The following CACNA1G variants were observed in gnomAD, a reference collection of about 807,000 sequenced individuals.
CACNA1G encodes the protein calcium voltage-gated channel subunit alpha1 G.
In CACNA1G, 67 loss-of-function variants were observed where a neutral mutation model predicts 219.4. That is an observed-to-expected ratio of 0.31 (90% CI 0.25 to 0.37). CACNA1G has a LOEUF of 0.37. CACNA1G is among the 10% of genes least tolerant of loss of function. The pLI is 1.00. For synonymous variants in CACNA1G, 1,296 were observed against 1,345.3 expected (o/e 0.96, Z 0.80); for missense variants, 2,380 against 3,231.4 (o/e 0.74, Z 6.39).
chr17:50,618,647 C>T lies in CACNA1G; in HGVS notation c.5428-8C>T. 6.2e-7 allele frequency: 1 copy of T among 1,604,070 alleles called. No homozygotes were observed. The highest frequency in any genetic ancestry group is 8.5e-7 in the Non-Finnish European group (1 of 1,171,454). On this transcript the variant is annotated splice_polypyrimidine_tract_variant and splice_region_variant and intron_variant, in intron 32 of 37. Transcript: ENST00000359106. The surrounding 1 kb of genome is among the most constrained non-coding windows in gnomAD (Gnocchi z 5.3). ...CCCAGCCTCACCCCTCTATTCCACC[C>T]TCCCCAGGACACCCTCCGGGACTGT...
chr17:50,609,362 C>A (rs1301187377), intron 25 of CACNA1G, among the ~76,000 whole-genome samples: 2 of 152,182 alleles, frequency 1.3e-5, no homozygotes, highest in Non-Finnish European at 2.9e-5. Flanking sequence ...CTATCAGCAC[C>A]CCCAAGGCCT....
At chr17:50,616,094 G>A (rs934049885) in intron 27 of CACNA1G, among the ~76,000 whole-genome samples, 181 bp from the exon 28 acceptor site, 16 of 152,220 alleles carry the variant, frequency 1.1e-4, no homozygotes, top group African/African-American at 3.9e-4. Context: ...ATGTGAATAA[G>A]TGCCCTACTC....
In CACNA1G at chr17:50,621,781, C is replaced by CATGT; in HGVS notation, c.6047_6048insATGT (p.Leu2017CysfsTer35). 1 of 1,613,764 alleles carries CATGT rather than the reference C, an allele frequency of 6.2e-7. No homozygotes were observed. Among genetic ancestry groups the CATGT allele is most frequent in the South Asian group, 1.1e-5 (1 of 91,080 alleles). ...GACATGCACACACTCTTACTTAGTGCCCTGGAGAGCAATGTACATACACAC... is the reference window on the plus strand; with the variant it reads ...GACATGCACACACTCTTACTTAGTGCATGTCCTGGAGAGCAATGTACATACACAC... On this transcript the variant is annotated frameshift_variant, in exon 35 of 38. Transcript: ENST00000359106. LOFTEE classifies it high-confidence loss of function. This position sits in a 1 kb window ranked among gnomAD's most constrained non-coding sequence, Gnocchi z 4.6.
In CACNA1G at chr17:50,603,248, G is replaced by T. The variant is rs759360398; in HGVS notation, c.4169+49G>T. 2.7e-6 allele frequency: 4 copies of T among 1,507,318 alleles called. No homozygotes were observed. The highest frequency in any genetic ancestry group is 3.6e-6 in the Non-Finnish European group (4 of 1,111,798). 93.4% of individuals were successfully genotyped at this position (1,507,318 alleles called of 1,614,324 possible). A position where few individuals can be genotyped will look rare whatever the true frequency, so the allele number is the denominator to read the frequency against. ...ACACCTCCAAGAGGTGGCCCCCTCC[G>T]CAGGGACATCTCCCACCGCCAGCAC... is the stretch of plus-strand genomic sequence containing the variant. On this transcript the variant is annotated intron_variant, in intron 21 of 37. Coordinates refer to ENST00000359106, the MANE Select transcript of CACNA1G (RefSeq NM_018896.5). This position sits in a 1 kb window ranked among gnomAD's most constrained non-coding sequence, Gnocchi z 6.4.
At chr17:50,593,046 C>A (rs1004273613) in intron 13 of CACNA1G, among the ~76,000 whole-genome samples, 2 of 152,188 alleles carry the variant, frequency 1.3e-5, no homozygotes, top group Non-Finnish European at 2.9e-5. Context: ...TCCCCGCTAC[C>A]CTTTTCAGTC....
chr17:50,612,376 C>G (rs895307084), intron 26 of CACNA1G, among the ~76,000 whole-genome samples: 2 of 152,256 alleles, frequency 1.3e-5, no homozygotes, highest in Admixed American at 1.3e-4. Flanking sequence ...CCTGGGTCCA[C>G]CCCGGCTTCC....
chr17:50,584,798 G>A (rs2145241765), intron 9 of CACNA1G, among the ~76,000 whole-genome samples: 1 of 152,174 alleles, frequency 6.6e-6, no homozygotes, highest in African/African-American at 2.4e-5. Flanking sequence ...GCTGGGGGCT[G>A]CAGAGTCCAG....
In CACNA1G at chr17:50,561,346, C is replaced by A; in HGVS notation, c.-114C>A. The A allele has an allele frequency of 1.4e-6, 2 of 1,387,108 alleles. No individual in the cohort carries two copies. The highest frequency in any genetic ancestry group is 2.0e-6 in the Non-Finnish European group (2 of 1,020,246). 85.9% of individuals were successfully genotyped at this position (1,387,108 alleles called of 1,614,324 possible). On this transcript the variant is annotated 5_prime_UTR_variant, in exon 1 of 38. Transcript: ENST00000359106. ...CCCTCCCGGGGGCTCAGCTTGCGCC[C>A]TAGAGCCCACCAGATGTGCCCCCGC...
chr17:50,592,987 G>T (rs931618582), intron 13 of CACNA1G, among the ~76,000 whole-genome samples: 1 of 152,202 alleles, frequency 6.6e-6, no homozygotes, highest in African/African-American at 2.4e-5. Flanking sequence ...TTCCCTGTGG[G>T]CCGGCTGGGT....
At chr17:50,602,561 T>C (rs886725557) in intron 19 of CACNA1G, among the ~76,000 whole-genome samples, 4 of 152,160 alleles carry the variant, frequency 2.6e-5, no homozygotes, top group African/African-American at 9.7e-5. Flanking sequence ...CCTCTCCCCC[T>C]TGGGCTAAGT....
intron 9 of CACNA1G, among the ~76,000 whole-genome samples, chr17:50,585,504 C>G (rs113296147): frequency 6.6e-6 from 1 of 152,112 alleles, no homozygotes; most frequent in African/African-American, 2.4e-5. Context: ...GGGGAATAAG[C>G]GTAGAATGAA....
intron 26 of CACNA1G, among the ~76,000 whole-genome samples, chr17:50,613,445 G>C (rs759822133): frequency 6.6e-6 from 1 of 152,092 alleles, no homozygotes; most frequent in Admixed American, 6.6e-5. Flanking sequence ...CTTGGAGGAG[G>C]GTCCCGGCTG....
At chr17:50,604,312 T>C (rs1278121615) in intron 22 of CACNA1G, 31 bp downstream of exon 22, 1 of 1,608,778 alleles carries the variant, frequency 6.2e-7, no homozygotes, top group Non-Finnish European at 8.5e-7. Flanking sequence ...CAGCTGTGGG[T>C]GAAAGCCTGA....
At chr17:50,565,103 G>A (rs1237569837) in intron 1 of CACNA1G, among the ~76,000 whole-genome samples, 1 of 149,830 alleles carries the variant, frequency 6.7e-6, no homozygotes, top group African/African-American at 2.5e-5. Context: ...AGACACAACT[G>A]CTCACACGCA....
At chr17:50,623,829 T>TCTGTTGTCAGCGCTGCCTC in intron 35 of CACNA1G, 78 bp from the exon 36 acceptor site, 1 of 1,476,726 alleles carries the variant, frequency 6.8e-7, no homozygotes, top group Non-Finnish European at 9.2e-7. Flanking sequence ...GCTGCTGCTT[T>TCTGTTGTCAGCGCTGCCTC]CTGTTGTCAG....
At chr17:50,573,999 G>A (rs775556308) in intron 7 of CACNA1G, among the ~76,000 whole-genome samples, 2 of 152,208 alleles carry the variant, frequency 1.3e-5, no homozygotes, top group African/African-American at 2.4e-5. Flanking sequence ...TGCCTATGCT[G>A]TGTATTAATC....
intron 1 of CACNA1G, among the ~76,000 whole-genome samples, chr17:50,566,223 C>T (rs1221819570): frequency 2.0e-5 from 3 of 152,080 alleles, no homozygotes; most frequent in East Asian, 1.9e-4. Context: ...ATCCTCCTGT[C>T]GTTATGGCAA....
intron 25 of CACNA1G, 155 bp downstream of exon 25, chr17:50,608,174 T>A (rs2048350201): frequency 1.5e-6 from 1 of 679,980 alleles, no homozygotes; most frequent in African/African-American, 1.8e-5. Flanking sequence ...CCCAAGAGCA[T>A]GTCTGCCTTT....
intron 2 of CACNA1G, 86 bp from the exon 3 acceptor site, chr17:50,569,079 G>A: frequency 6.4e-7 from 1 of 1,561,306 alleles, no homozygotes; most frequent in Non-Finnish European, 8.7e-7. Context: ...AAGAGGCCCT[G>A]ACCCAACTGG....
Sources: allele counts gnomAD v4.1 joint callset (sites outside exome capture counted in the v4.1 genomes callset), GRCh38; gene constraint gnomAD v4.1.1; non-coding constraint Gnocchi (gnomAD v3.1); transcripts MANE v1.5; gene names NCBI Gene and HGNC (gene_info 2026-07-23, HGNC 2026-07-21).